Variants in CLHC1 observed in about 807,000 individuals in gnomAD.
CLHC1 encodes the protein clathrin heavy chain linker domain containing 1.
In CLHC1, 72 loss-of-function variants were observed where a neutral mutation model predicts 69.5. The ratio of observed to expected loss-of-function variants is 1.04; its 90% CI spans 0.86 to 1.26. The LOEUF (loss-of-function observed/expected upper bound fraction) is 1.26, where lower values mean the gene tolerates loss of function less well. CLHC1 is among the 50% of genes most tolerant of loss of function. The probability of loss-of-function intolerance (pLI) is 0.00; values close to 1 mark genes in which losing one functional copy is unlikely to be tolerated. For missense variants in CLHC1, 790 were observed against 679.3 expected (o/e 1.16, Z -1.81); for synonymous variants, 223 against 224.3 (o/e 0.99, Z 0.05).
At chr2:55,188,395 C>A (rs994947637) in intron 9 of CLHC1, among the ~76,000 whole-genome samples, 5 of 151,932 alleles carry the variant, frequency 3.3e-5, no homozygotes, top group Non-Finnish European at 7.4e-5. Flanking sequence ...ATATTAAAAC[C>A]ATAATAAATT....
At position 55,172,989 on chromosome 2, in the gene CLHC1, A is replaced by T. The variant is rs1255020732; in HGVS notation, c.*2801T>A. Among the ~76,000 whole-genome samples the T allele has an allele frequency of 6.6e-6, 1 of 152,252 alleles. No individual in the cohort carries two copies. Among genetic ancestry groups the T allele is most frequent in the Non-Finnish European group, 1.5e-5 (1 of 68,046 alleles). ...ACATGCTTGACTATAATAAACAAAAATGTAACTAGTTACAATTAAATCTTT... is the reference window on the plus strand; with the variant it reads ...ACATGCTTGACTATAATAAACAAAATTGTAACTAGTTACAATTAAATCTTT... On this transcript the variant is annotated 3_prime_UTR_variant, in exon 13 of 13. Transcript: ENST00000401408.
At chr2:55,199,701 C>T (rs1558477696) in intron 9 of CLHC1, among the ~76,000 whole-genome samples, 1 of 151,958 alleles carries the variant, frequency 6.6e-6, no homozygotes, top group Non-Finnish European at 1.5e-5. Context: ...ATATTATTTG[C>T]AAGTCTCATG....
chr2:55,227,692 A>AT (rs1674846503), intron 2 of CLHC1, among the ~76,000 whole-genome samples: 1 of 150,992 alleles, frequency 6.6e-6, no homozygotes, highest in South Asian at 2.1e-4. Flanking sequence ...AAAAAAAAAA[A>AT]GTAAAAGATA....
chr2:55,184,349 C>T (rs752117156), intron 9 of CLHC1, among the ~76,000 whole-genome samples: 4 of 152,212 alleles, frequency 2.6e-5, no homozygotes, highest in Non-Finnish European at 5.9e-5. Flanking sequence ...AAGCAATCTG[C>T]CTGCCTCAGC....
chr2:55,208,314 A>G (rs1197646588), intron 8 of CLHC1, among the ~76,000 whole-genome samples: 1 of 152,228 alleles, frequency 6.6e-6, no homozygotes, highest in African/African-American at 2.4e-5. Flanking sequence ...ATATACACAT[A>G]GCCTGAAGGC....
intron 3 of CLHC1, among the ~76,000 whole-genome samples, chr2:55,219,396 T>C (rs909722962): frequency 6.6e-6 from 1 of 152,196 alleles, no homozygotes; most frequent in African/African-American, 2.4e-5. Context: ...CAGCTGGCAA[T>C]TTTGCTTAAC....
At chr2:55,184,820 G>A (rs1259390042) in intron 9 of CLHC1, among the ~76,000 whole-genome samples, 4 of 151,464 alleles carry the variant, frequency 2.6e-5, no homozygotes, top group South Asian at 4.2e-4. Flanking sequence ...CAGGAGAATC[G>A]CTTGAACCCA....
At chr2:55,182,481 A>T (rs1032258411) in intron 9 of CLHC1, among the ~76,000 whole-genome samples, 2 of 152,188 alleles carry the variant, frequency 1.3e-5, no homozygotes, top group Non-Finnish European at 2.9e-5. Flanking sequence ...TGTCAATTTG[A>T]ACTCTTAATT....
Position 55,175,933 on chromosome 2 carries a change from G to T in CLHC1, c.1618C>A (p.Gln540Lys). 6.2e-7 allele frequency: 1 copy of T among 1,613,840 alleles called. No individual in the cohort carries two copies. Among genetic ancestry groups the T allele is most frequent in the South Asian group, 1.1e-5 (1 of 91,082 alleles). The change falls in exon 13 of 13, where the codon CAA (glutamine) becomes AAA (lysine). Residue 540 changes from glutamine (Q) to lysine (K), a missense_variant. Gln to Lys is a moderately conservative substitution (Grantham distance 53, BLOSUM62 1). Coordinates refer to ENST00000401408, the MANE Select transcript of CLHC1 (RefSeq NM_152385.4). ...NDSFCSIEKW[Q>K]EVANICSQNG... ...TGTGAACATATATTTGCCACTTCTT[G>T]CCACTTTTCTATGGAGCAAAAGGAA...
chr2:55,217,755 G>C, intron 4 of CLHC1, 56 bp downstream of exon 4: 3 of 1,155,548 alleles, frequency 2.6e-6, no homozygotes, highest in East Asian at 5.3e-5. Flanking sequence ...ACACTGGCTA[G>C]TTATTATAAT....
chr2:55,226,647 G>A (rs556640776), intron 2 of CLHC1, among the ~76,000 whole-genome samples: 4 of 152,102 alleles, frequency 2.6e-5, no homozygotes, highest in Admixed American at 1.3e-4. Flanking sequence ...TTTTTGTTTT[G>A]TTTTGAGACA....
intron 10 of CLHC1, 63 bp from the exon 11 acceptor site, chr2:55,180,775 A>G: frequency 7.4e-7 from 1 of 1,353,134 alleles, no homozygotes; most frequent in East Asian, 2.3e-5. Flanking sequence ...TGAGACTGAA[A>G]TATTTGAAAA....
intron 8 of CLHC1, among the ~76,000 whole-genome samples, chr2:55,208,305 T>C (rs147308842): frequency 1.9e-3 from 284 of 152,334 alleles, no homozygotes; most frequent in African/African-American, 6.5e-3. Flanking sequence ...ATATATACCA[T>C]ATACACATAG....
chr2:55,228,401 C>T (rs965717749), intron 1 of CLHC1, among the ~76,000 whole-genome samples, 197 bp from the exon 2 acceptor site: 12 of 152,246 alleles, frequency 7.9e-5, no homozygotes, highest in African/African-American at 2.7e-4. Context: ...CAAACCAGAA[C>T]ACAGCTAAAG....
At chr2:55,204,003 G>A (rs1253781314) in intron 9 of CLHC1, among the ~76,000 whole-genome samples, 3 of 152,158 alleles carry the variant, frequency 2.0e-5, no homozygotes, top group Non-Finnish European at 4.4e-5. Flanking sequence ...GGCAAAAGAT[G>A]GCCAGGTGAG....
chr2:55,192,919 C>G (rs1020987600), intron 9 of CLHC1, among the ~76,000 whole-genome samples: 4 of 131,078 alleles, frequency 3.1e-5, no homozygotes, highest in African/African-American at 8.7e-5. Context: ...GAGATGGAGT[C>G]TTACTCTGTC....
intron 2 of CLHC1, among the ~76,000 whole-genome samples, chr2:55,226,734 T>C (rs1380193248): frequency 6.6e-6 from 1 of 152,216 alleles, no homozygotes; most frequent in African/African-American, 2.4e-5. Flanking sequence ...TGAATTCAAG[T>C]GATTCTCCTG....
chr2:55,181,457 G>T, intron 10 of CLHC1, 113 bp downstream of exon 10: 1 of 824,006 alleles, frequency 1.2e-6, no homozygotes, highest in Non-Finnish European at 1.9e-6. Context: ...AATTGCAATA[G>T]GGACCTGAAG....
chr2:55,212,059 T>C (rs1034339851), intron 5 of CLHC1, among the ~76,000 whole-genome samples: 3 of 152,172 alleles, frequency 2.0e-5, no homozygotes, highest in African/African-American at 7.2e-5. Context: ...GGTGGATCGC[T>C]TGAGCCCAGG....
Sources: allele counts gnomAD v4.1 joint callset (sites outside exome capture counted in the v4.1 genomes callset), GRCh38; gene constraint gnomAD v4.1.1; transcripts MANE v1.5; gene names NCBI Gene and HGNC (gene_info 2026-07-23, HGNC 2026-07-21).